The following FCHSD2 variants were observed in gnomAD, a reference collection of about 807,000 sequenced individuals.
FCHSD2 encodes F-BAR and double SH3 domains protein 2.
In FCHSD2, 38 loss-of-function variants were observed where a neutral mutation model predicts 108.1. The ratio of observed to expected loss-of-function variants is 0.35; its 90% CI spans 0.27 to 0.46. The LOEUF is 0.46. Among genes scored for constraint, FCHSD2 ranks in the 20% least tolerant of loss-of-function variants. The probability of loss-of-function intolerance (pLI) is 1.00; values close to 1 mark genes in which losing one functional copy is unlikely to be tolerated. For synonymous variants in FCHSD2, 279 were observed against 314.7 expected, an observed-to-expected ratio of 0.89 and a Z score of 1.20; for missense variants, 751 against 897.8, an observed-to-expected ratio of 0.84 and a Z score of 2.09.
chr11:72,937,636 C>T (rs1056400360), intron 8 of FCHSD2, among the ~76,000 whole-genome samples: 1 of 152,176 alleles, frequency 6.6e-6, no homozygotes, highest in Non-Finnish European at 1.5e-5. Flanking sequence ...AGCCACCGCG[C>T]CTGGCCAAAA....
intron 8 of FCHSD2, among the ~76,000 whole-genome samples, chr11:72,947,279 G>C (rs1432282441): frequency 6.6e-6 from 1 of 152,210 alleles, no homozygotes. Flanking sequence ...CACAAGAGAA[G>C]TTTGAACTCT....
chr11:73,022,551 G>A (rs1182546089), intron 3 of FCHSD2, among the ~76,000 whole-genome samples: 1 of 152,084 alleles, frequency 6.6e-6, no homozygotes, highest in Non-Finnish European at 1.5e-5. Flanking sequence ...ATCTGTATGT[G>A]GAAAAGTCCA....
At chr11:72,875,482 T>C (rs563863558) in intron 12 of FCHSD2, among the ~76,000 whole-genome samples, 4 of 152,272 alleles carry the variant, frequency 2.6e-5, no homozygotes, top group Non-Finnish European at 5.9e-5. Context: ...CAGAAGCATA[T>C]GCCACCACAT....
intron 2 of FCHSD2, among the ~76,000 whole-genome samples, chr11:73,120,177 T>C (rs1860698148): frequency 6.6e-6 from 1 of 151,640 alleles, no homozygotes; most frequent in South Asian, 2.1e-4. Context: ...ACGTGGGAAT[T>C]ATGGGAATTC....
intron 3 of FCHSD2, among the ~76,000 whole-genome samples, chr11:73,027,627 G>A (rs979032349): frequency 5.9e-5 from 9 of 152,230 alleles, no homozygotes; most frequent in Non-Finnish European, 1.0e-4. Context: ...ATTTGCATGA[G>A]TAAAAAGAAG....
In FCHSD2 at chr11:72,985,070, T is replaced by C. The variant is rs1196385581; in HGVS notation, c.568A>G (p.Ser190Gly). Residue 190 changes from serine (S) to glycine (G), a missense_variant, in exon 7 of 20, where the codon AGT becomes GGT. Coordinates refer to ENST00000409418, the MANE Select transcript of FCHSD2 (RefSeq NM_014824.3). ...FQSRISLQKA[S>G]VKLKARRSEC... ...ACTTATTGAAAACTTACCTTTACAC[T>C]TGCCTTCTGTAAACTGATTCTTGAT... 1.6e-6 allele frequency: 2 copies of C among 1,243,132 alleles called. No homozygotes were observed. The highest frequency in any genetic ancestry group is 2.0e-5 in the Admixed American group (1 of 49,382). 77.0% of individuals were successfully genotyped at this position (1,243,132 alleles called of 1,614,324 possible).
chr11:72,886,347 C>T (rs1855198778), intron 12 of FCHSD2, among the ~76,000 whole-genome samples: 1 of 152,186 alleles, frequency 6.6e-6, no homozygotes. Context: ...TGGCATAAGT[C>T]TGTGCTATCC....
intron 13 of FCHSD2, among the ~76,000 whole-genome samples, chr11:72,863,142 G>A (rs1335526443): frequency 6.6e-6 from 1 of 151,770 alleles, no homozygotes; most frequent in Non-Finnish European, 1.5e-5. Context: ...TGTTGCTCAG[G>A]CTGGTCTCAA....
intron 4 of FCHSD2, among the ~76,000 whole-genome samples, chr11:73,014,665 C>T (rs1287752615): frequency 1.3e-5 from 2 of 152,100 alleles, no homozygotes; most frequent in Non-Finnish European, 2.9e-5. Flanking sequence ...AAACCATGCG[C>T]TTCAATACTA....
chr11:72,982,984 G>C (rs1857241309), intron 8 of FCHSD2, among the ~76,000 whole-genome samples: 1 of 151,944 alleles, frequency 6.6e-6, no homozygotes, highest in Non-Finnish European at 1.5e-5. Context: ...AACATAGCAA[G>C]ACTCTTGTTT....
At chr11:72,991,570 G>C (rs1286307220) in intron 5 of FCHSD2, among the ~76,000 whole-genome samples, 1 of 152,068 alleles carries the variant, frequency 6.6e-6, no homozygotes, top group Non-Finnish European at 1.5e-5. Flanking sequence ...CGCTGATCAA[G>C]TGGGCTTCAT....
intron 3 of FCHSD2, among the ~76,000 whole-genome samples, chr11:73,020,220 C>T (rs1858069418): frequency 6.6e-6 from 1 of 152,158 alleles, no homozygotes; most frequent in African/African-American, 2.4e-5. Flanking sequence ...TGAAGAAACA[C>T]AAAGAGAGCC....
At chr11:72,915,483 C>T (rs1855854103) in intron 9 of FCHSD2, among the ~76,000 whole-genome samples, 1 of 152,134 alleles carries the variant, frequency 6.6e-6, no homozygotes, top group Non-Finnish European at 1.5e-5. Context: ...ATAGCAGAGA[C>T]ATGGAACAAA....
intron 12 of FCHSD2, among the ~76,000 whole-genome samples, chr11:72,872,696 TG>T (rs1041427474): frequency 3.3e-5 from 5 of 152,164 alleles, no homozygotes; most frequent in African/African-American, 7.2e-5. Flanking sequence ...ATTTGTCAGT[TG>T]GGAGTCATTT....
chr11:72,962,215 T>C (rs1019121548), intron 8 of FCHSD2, among the ~76,000 whole-genome samples: 3 of 152,160 alleles, frequency 2.0e-5, no homozygotes, highest in Admixed American at 6.6e-5. Flanking sequence ...TACTAAGACA[T>C]TGTCTGCCCT....
chr11:72,915,304 T>C lies in FCHSD2; in HGVS notation c.828+6524A>G, dbSNP rs985833029. Among the ~76,000 whole-genome samples the C allele has an allele frequency of 2.0e-5, 3 of 152,082 alleles. No homozygotes were observed. In the East Asian group the frequency reaches 5.8e-4, roughly 29 times the overall value. ...CACTTTTACACTGTTGGTAGGAGTGTAAATTAGTTCAACCATCGTGGAAGA... is the reference window on the plus strand; with the variant it reads ...CACTTTTACACTGTTGGTAGGAGTGCAAATTAGTTCAACCATCGTGGAAGA... On this transcript the variant is annotated intron_variant, in intron 9 of 19. Coordinates refer to ENST00000409418, the MANE Select transcript of FCHSD2 (RefSeq NM_014824.3).
chr11:72,934,824 T>C (rs1175130247), intron 8 of FCHSD2, among the ~76,000 whole-genome samples: 1 of 152,214 alleles, frequency 6.6e-6, no homozygotes, highest in African/African-American at 2.4e-5. Context: ...TTTTGACTAT[T>C]GGACACAAAT....
At chr11:72,975,277 C>A (rs1452962475) in intron 8 of FCHSD2, among the ~76,000 whole-genome samples, 1 of 152,188 alleles carries the variant, frequency 6.6e-6, no homozygotes, top group Non-Finnish European at 1.5e-5. Flanking sequence ...TATAAGACAT[C>A]TCTTCAACAT....
chr11:72,938,694 T>C (rs1856353227), intron 8 of FCHSD2, among the ~76,000 whole-genome samples: 1 of 152,162 alleles, frequency 6.6e-6, no homozygotes, highest in Admixed American at 6.5e-5. Context: ...TTTACTCGTA[T>C]TCTACACAAA....
Sources: gnomAD v4.1 joint callset for allele counts (sites outside exome capture counted in the v4.1 genomes callset) on GRCh38, gnomAD v4.1.1 for gene constraint, MANE v1.5 for transcripts, NCBI Gene and HGNC (gene_info 2026-07-23, HGNC 2026-07-21) for gene names.